Variants in GRM1 observed in about 807,000 individuals in gnomAD.
The protein encoded by GRM1 is metabotropic glutamate receptor 1.
GRM1 carries 33 observed loss-of-function variants against 90.9 expected under a neutral mutation model. That is an observed-to-expected ratio of 0.36 (90% CI 0.28 to 0.49). GRM1 has a LOEUF of 0.49. Among genes scored for constraint, GRM1 ranks in the 20% least tolerant of loss-of-function variants. The pLI is 0.99. For synonymous variants in GRM1, 700 were observed against 613.2 expected, an observed-to-expected ratio of 1.14 and a Z score of -2.09; for missense variants, 1,190 against 1,534.3, an observed-to-expected ratio of 0.78 and a Z score of 3.75.
chr6:146,171,555 C>T, intron 2 of GRM1: 1 of 232,118 alleles, frequency 4.3e-6, no homozygotes, highest in Non-Finnish European at 9.6e-6. Context: ...GGAAGCTTCA[C>T]TAGATGATGC....
At chr6:146,288,576 G>A (rs947657384) in intron 2 of GRM1, among the ~76,000 whole-genome samples, 1 of 152,140 alleles carries the variant, frequency 6.6e-6, no homozygotes, top group Admixed American at 6.5e-5. Context: ...TGCGATCTCG[G>A]CTCACTGCAA....
At chr6:146,093,604 C>G (rs987183712) in intron 1 of GRM1, among the ~76,000 whole-genome samples, 3 of 152,100 alleles carry the variant, frequency 2.0e-5, no homozygotes, top group Admixed American at 2.0e-4. Flanking sequence ...TTTTGTGAAC[C>G]TCTCTTTTTT....
rs552353960 is a variant in GRM1, at chr6:146,175,135, A to G, written c.950+15538A>G. Among the ~76,000 whole-genome samples the G allele has an allele frequency of 2.5e-3, 388 of 152,340 alleles. 4 individuals carry two copies. Among genetic ancestry groups the G allele is most frequent in the African/African-American group, 8.9e-3 (371 of 41,582 alleles). ...CAATTCAAGGGGAGGGGAATGCACA[A>G]GGGAATGAACACAAGGAGGCAGGAT... is the stretch of plus-strand genomic sequence containing the variant. On this transcript the variant is annotated intron_variant, in intron 2 of 7. Transcript: ENST00000282753.
intron 2 of GRM1, among the ~76,000 whole-genome samples, chr6:146,304,222 T>G (rs907576555): frequency 6.6e-6 from 1 of 152,190 alleles, no homozygotes; most frequent in African/African-American, 2.4e-5. Context: ...TGAGCTCTTA[T>G]TTTGAAGGTC....
intron 1 of GRM1, among the ~76,000 whole-genome samples, chr6:146,123,095 G>A (rs1010441186): frequency 1.3e-5 from 2 of 151,682 alleles, no homozygotes; most frequent in African/African-American, 2.4e-5. Flanking sequence ...TGGCCACCTC[G>A]GCCTCTCAAA....
At chr6:146,387,795 T>C (rs150257699) in intron 6 of GRM1, among the ~76,000 whole-genome samples, 141 of 152,202 alleles carry the variant, frequency 9.3e-4, no homozygotes, top group African/African-American at 3.3e-3. Flanking sequence ...TTCCTCTACA[T>C]GTTTGGACTT....
intron 2 of GRM1, among the ~76,000 whole-genome samples, chr6:146,197,182 G>A (rs1002617915): frequency 6.6e-5 from 10 of 152,210 alleles, no homozygotes; most frequent in Non-Finnish European, 2.9e-5. Context: ...TAACTGGGGA[G>A]ATAAGATCAA....
rs775323670 is a variant in GRM1, at chr6:146,357,694, G to A, written c.1602G>A (p.Lys534=). The change falls in exon 5 of 8, where the codon AAG becomes AAA. Residue 534 remains lysine (K), a splice_region_variant and synonymous_variant. Coordinates refer to ENST00000282753, the MANE Select transcript of GRM1 (RefSeq NM_001278064.2). ...AGCCTTGCTTAAAGGGCCAGATTAA[G>A]GTAAGCCACAAATGCATTCTTGCAT... ...CSEPCLKGQI[K]VIRKGEVSCC... 8.7e-6 allele frequency: 14 copies of A among 1,613,022 alleles called. No homozygotes were observed. The highest frequency in any genetic ancestry group is 1.7e-6 in the Non-Finnish European group (2 of 1,179,186).
intron 2 of GRM1, among the ~76,000 whole-genome samples, chr6:146,219,475 GT>G (rs1190723308): frequency 6.6e-6 from 1 of 152,024 alleles, no homozygotes; most frequent in Non-Finnish European, 1.5e-5. Context: ...CAGAACGGCG[GT>G]TTTGAAAGTG....
rs1262113698 is a variant in GRM1 at position 146,175,754 on chromosome 6, A to G, written c.950+16157A>G. Among the ~76,000 whole-genome samples the G allele has an allele frequency of 7.2e-5, 11 of 152,154 alleles. No individual in the cohort carries two copies. In the East Asian group the frequency reaches 1.9e-3, roughly 27 times the overall value. On this transcript the variant is annotated intron_variant, in intron 2 of 7. Coordinates refer to ENST00000282753, the MANE Select transcript of GRM1 (RefSeq NM_001278064.2). ...GCACAATTCATATGGTAAGGAAAAA[A>G]AAAAGATGTATATGCTATACCTTAC...
chr6:146,047,054 T>G (rs1324572635), intron 1 of GRM1, among the ~76,000 whole-genome samples: 1 of 152,004 alleles, frequency 6.6e-6, no homozygotes, highest in Non-Finnish European at 1.5e-5. Context: ...CTAACAGGTA[T>G]GCAGAGAATG....
At chr6:146,323,818 T>A (rs990361432) in intron 3 of GRM1, among the ~76,000 whole-genome samples, 7 of 152,290 alleles carry the variant, frequency 4.6e-5, no homozygotes, top group South Asian at 2.1e-4. Flanking sequence ...ATGGCTAGCC[T>A]GTTTTCCCAG....
Position 146,435,051 on chromosome 6 carries a change from C to G in GRM1, c.*255C>G. 1.7e-6 allele frequency: 1 copy of G among 591,038 alleles called. No individual in the cohort carries two copies. Among genetic ancestry groups the G allele is most frequent in the South Asian group, 2.0e-5 (1 of 50,408 alleles). The allele number at this position is 591,038 out of a possible 1,614,324, so 36.6% of individuals were successfully genotyped here. A position where few individuals can be genotyped will look rare whatever the true frequency, so the allele number is the denominator to read the frequency against. ...GCCTTCTCTGGGAAGAAAGGGAATT[C>G]TGACAAAGCACAATTCCATATGGTA... On this transcript the variant is annotated 3_prime_UTR_variant, in exon 8 of 8. Transcript: ENST00000282753.
Position 146,193,261 on chromosome 6 carries a change from T to C in GRM1, c.950+33664T>C, listed in dbSNP as rs146181523. Among the ~76,000 whole-genome samples, 120 of 152,252 alleles carry C rather than the reference T, an allele frequency of 7.9e-4. 1 individual carries two copies. The East Asian group carries it at 0.023, about 29-fold the overall frequency. ...CTGAAGATGCACATTTGGGAGTCAT[T>C]AGGATATATATACTATTTGAAATCA... On this transcript the variant is annotated intron_variant, in intron 2 of 7. Transcript: ENST00000282753.
At chr6:146,257,200 G>A (rs1781513062) in intron 2 of GRM1, among the ~76,000 whole-genome samples, 1 of 152,026 alleles carries the variant, frequency 6.6e-6, no homozygotes, top group Admixed American at 6.6e-5. Context: ...ACACATATAA[G>A]TGTATATATA....
chr6:146,161,921 G>C lies in GRM1; in HGVS notation c.950+2324G>C, dbSNP rs1173800242. 2.0e-5 allele frequency among the ~76,000 whole-genome samples: 3 copies of C among 152,168 alleles called. No individual in the cohort carries two copies. The East Asian group carries it at 5.8e-4, about 29-fold the overall frequency. On this transcript the variant is annotated intron_variant, in intron 2 of 7. Coordinates refer to ENST00000282753, the MANE Select transcript of GRM1 (RefSeq NM_001278064.2). ...AAGTAGTGAGACGATGCCATCCTTA[G>C]AAGTAGCCTTCCCTTCAGGTGGCTG...
chr6:146,267,711 GTCTCGT>G (rs1781968482), intron 2 of GRM1, among the ~76,000 whole-genome samples: 119 of 112,184 alleles, frequency 1.1e-3, no homozygotes, highest in Non-Finnish European at 2.0e-3. Context: ...GGCTCGTCTC[GTCTCGT>G]CTCGTCTCGT....
chr6:146,249,586 T>C (rs1046284495), intron 2 of GRM1, among the ~76,000 whole-genome samples: 4 of 152,178 alleles, frequency 2.6e-5, no homozygotes, highest in African/African-American at 9.7e-5. Context: ...TGGAAATACC[T>C]GGATGCCCAG....
chr6:146,324,194 G>A (rs1047660522), intron 3 of GRM1, among the ~76,000 whole-genome samples: 1 of 152,098 alleles, frequency 6.6e-6, no homozygotes, highest in African/African-American at 2.4e-5. Context: ...TTTACACTGG[G>A]AGGGGAAAAC....
Sources: gnomAD v4.1 joint callset for allele counts (sites outside exome capture counted in the v4.1 genomes callset) on GRCh38, gnomAD v4.1.1 for gene constraint, MANE v1.5 for transcripts, NCBI Gene and HGNC (gene_info 2026-07-23, HGNC 2026-07-21) for gene names.